PEAK1: variants seen among roughly 807,000 people sequenced by gnomAD.
PEAK1 encodes pseudopodium enriched atypical kinase 1, also known as inactive tyrosine-protein kinase PEAK1.
Under a neutral mutation model 124.7 loss-of-function variants are expected in PEAK1, and 54 were observed. That is an observed-to-expected ratio of 0.43 (90% CI 0.35 to 0.54). PEAK1 has a LOEUF of 0.54. PEAK1 is among the 20% of genes least tolerant of loss of function. The pLI, the probability that PEAK1 is intolerant of heterozygous loss-of-function variation, is 0.01. For synonymous variants in PEAK1, 719 were observed against 760.0 expected, an observed-to-expected ratio of 0.95 and a Z score of 0.89; for missense variants, 2,046 against 2,134.5, an observed-to-expected ratio of 0.96 and a Z score of 0.82.
downstream of PEAK1, chr15:77,107,010 AGTT>A (rs2050761418): frequency 1.3e-5 from 2 of 152,206 alleles, no homozygotes; most frequent in African/African-American, 2.4e-5. Context: ...GTACTGAATC[AGTT>A]GTTATGGAGT....
chr15:77,121,990 T>A (rs567273373), intron 9 of PEAK1, among the ~76,000 whole-genome samples: 2 of 152,314 alleles, frequency 1.3e-5, no homozygotes, highest in South Asian at 2.1e-4. Context: ...TTTGGTATAA[T>A]CCCACTCTAA....
At chr15:77,320,290 T>C (rs552352663) in intron 2 of PEAK1, among the ~76,000 whole-genome samples, 21 of 152,286 alleles carry the variant, frequency 1.4e-4, no homozygotes, top group African/African-American at 5.1e-4. Context: ...CACCATACTG[T>C]AATTATTTGC....
intron 2 of PEAK1, among the ~76,000 whole-genome samples, chr15:77,354,822 G>A (rs1212332387): frequency 3.9e-5 from 6 of 152,100 alleles, no homozygotes; most frequent in Admixed American, 1.3e-4. Context: ...GGAGGATCAC[G>A]AGGTCAGGAG....
chr15:77,351,789 T>C (rs2067225887), intron 2 of PEAK1: 1 of 985,408 alleles, frequency 1.0e-6, no homozygotes. Context: ...TTGATGAAAA[T>C]GTGGAGCACT....
intron 5 of PEAK1, among the ~76,000 whole-genome samples, chr15:77,264,963 T>C (rs1435608650): frequency 4.6e-5 from 7 of 152,172 alleles, no homozygotes; most frequent in Admixed American, 4.6e-4. Flanking sequence ...TATCTGCAAC[T>C]ATCTAATCTT....
At chr15:77,143,243 G>C (rs1292143745) in intron 8 of PEAK1, among the ~76,000 whole-genome samples, 3 of 152,068 alleles carry the variant, frequency 2.0e-5, no homozygotes. Context: ...TAATTTTTCA[G>C]TTGCTTACCT....
chr15:77,160,495 G>A (rs1249222743), intron 7 of PEAK1, among the ~76,000 whole-genome samples: 2 of 152,002 alleles, frequency 1.3e-5, no homozygotes, highest in East Asian at 1.9e-4. Flanking sequence ...GGCCAACATG[G>A]TGAAGCCCTG....
chr15:77,287,055 C>T (rs1012010505), intron 2 of PEAK1, among the ~76,000 whole-genome samples: 6 of 151,948 alleles, frequency 3.9e-5, no homozygotes, highest in Non-Finnish European at 8.8e-5. Flanking sequence ...AACCTGTTGG[C>T]AGACTCTGTT....
chr15:77,279,070 C>T (rs1293228068), intron 5 of PEAK1, among the ~76,000 whole-genome samples: 32 of 151,090 alleles, frequency 2.1e-4, no homozygotes, highest in African/African-American at 3.6e-4. Flanking sequence ...TCAAGTGAAC[C>T]GGCTGCCTCA....
At chr15:77,197,484 AGTTTCT>A (rs2058164389) in intron 6 of PEAK1, among the ~76,000 whole-genome samples, 1 of 152,158 alleles carries the variant, frequency 6.6e-6, no homozygotes, top group Admixed American at 6.5e-5. Flanking sequence ...ATCTTTTGAA[AGTTTCT>A]GTTACTTTGG....
At chr15:77,107,544 T>C (rs1279718273), downstream of PEAK1, 1 of 152,208 alleles carries the variant, frequency 6.6e-6, no homozygotes. Context: ...AGGATCTACA[T>C]GTTTGCCTTT....
chr15:77,337,230 A>C, intron 2 of PEAK1: 1 of 985,080 alleles, frequency 1.0e-6, no homozygotes, highest in Non-Finnish European at 1.2e-6. Context: ...AGACAAGATA[A>C]TACAGACATG....
At chr15:77,162,539 C>A in intron 7 of PEAK1, among the ~76,000 whole-genome samples, 1 of 148,966 alleles carries the variant, frequency 6.7e-6, no homozygotes, top group Non-Finnish European at 1.5e-5. Flanking sequence ...TTGATTTGTT[C>A]CATATTTGGA....
chr15:77,411,187 G>A (rs1256248556), intron 1 of PEAK1, among the ~76,000 whole-genome samples: 1 of 151,926 alleles, frequency 6.6e-6, no homozygotes, highest in South Asian at 2.1e-4. Context: ...ACGGCAGATG[G>A]TAAGGCCAAC....
chr15:77,290,020 G>A (rs1027499579), intron 2 of PEAK1, among the ~76,000 whole-genome samples: 2 of 152,088 alleles, frequency 1.3e-5, no homozygotes, highest in Non-Finnish European at 2.9e-5. Flanking sequence ...CCAAGCTGAA[G>A]TGCAGTGGCA....
intron 2 of PEAK1, chr15:77,332,096 C>T: frequency 1.4e-6 from 1 of 728,810 alleles, no homozygotes; most frequent in Non-Finnish European, 1.7e-6. Context: ...TGCATTCCAG[C>T]CTGGGTGACA....
At chr15:77,302,592 T>C (rs2063844095) in intron 2 of PEAK1, among the ~76,000 whole-genome samples, 1 of 152,166 alleles carries the variant, frequency 6.6e-6, no homozygotes, top group African/African-American at 2.4e-5. Context: ...CATAGTTCCT[T>C]TAGTTTAAAG....
At chr15:77,289,059 G>A (rs549144238) in intron 2 of PEAK1, among the ~76,000 whole-genome samples, 1 of 152,092 alleles carries the variant, frequency 6.6e-6, no homozygotes, top group South Asian at 2.1e-4. Flanking sequence ...AACAAATACA[G>A]CTATCCCTAT....
chr15:77,149,017 T>C (rs1405435923), intron 8 of PEAK1, among the ~76,000 whole-genome samples: 1 of 152,222 alleles, frequency 6.6e-6, no homozygotes, highest in African/African-American at 2.4e-5. Flanking sequence ...TAAGGACTTC[T>C]ATGTACCAAG....
Sources: allele counts gnomAD v4.1 joint callset (sites outside exome capture counted in the v4.1 genomes callset), GRCh38; gene constraint gnomAD v4.1.1; transcripts MANE v1.5; gene names NCBI Gene and HGNC (gene_info 2026-07-23, HGNC 2026-07-21).